The following JMJD1C variants were observed in gnomAD, a reference collection of about 807,000 sequenced individuals.
The protein encoded by JMJD1C is jumonji domain containing 1C.
JMJD1C carries 31 observed loss-of-function variants against 245.3 expected under a neutral mutation model. The ratio of observed to expected loss-of-function variants is 0.13; its 90% CI spans 0.09 to 0.17. The LOEUF (loss-of-function observed/expected upper bound fraction) is 0.17. Ranked by LOEUF, JMJD1C falls within the 10% of genes least tolerant of loss-of-function variation. The probability of loss-of-function intolerance (pLI) is 1.00; values close to 1 mark genes in which losing one functional copy is unlikely to be tolerated. For missense variants in JMJD1C, 2,691 were observed against 3,000.2 expected (o/e 0.90, Z 2.41); for synonymous variants, 1,057 against 1,017.4 (o/e 1.04, Z -0.74).
At chr10:63,480,576 A>G (rs1458426673) in intron 1 of JMJD1C, among the ~76,000 whole-genome samples, 1 of 152,190 alleles carries the variant, frequency 6.6e-6, no homozygotes, top group East Asian at 1.9e-4. Flanking sequence ...TACAGGACCA[A>G]CGCATTTAAA....
At chr10:63,343,171 G>A (rs986918213) in intron 2 of JMJD1C, among the ~76,000 whole-genome samples, 12 of 152,082 alleles carry the variant, frequency 7.9e-5, no homozygotes, top group African/African-American at 1.2e-4. Flanking sequence ...AGACCAGCCT[G>A]GACAACATGG....
intron 3 of JMJD1C, among the ~76,000 whole-genome samples, chr10:63,245,422 G>A (rs1852066136): frequency 6.8e-6 from 1 of 146,848 alleles, no homozygotes; most frequent in Non-Finnish European, 1.5e-5. Context: ...GGAGGAGCAA[G>A]TCATGTTTCA....
At chr10:63,238,216 T>C (rs192217913) in intron 3 of JMJD1C, among the ~76,000 whole-genome samples, 10 of 147,252 alleles carry the variant, frequency 6.8e-5, no homozygotes, top group African/African-American at 2.5e-4. Flanking sequence ...AAGGAAGCTA[T>C]AACTAAAATT....
chr10:63,312,803 C>T (rs1207123487), intron 2 of JMJD1C, among the ~76,000 whole-genome samples: 2 of 152,072 alleles, frequency 1.3e-5, no homozygotes, highest in Non-Finnish European at 2.9e-5. Flanking sequence ...CTCTGATTAC[C>T]TAATATAATT....
chr10:63,427,472 C>A, intron 1 of JMJD1C: 1 of 1,215,162 alleles, frequency 8.2e-7, no homozygotes, highest in Non-Finnish European at 1.2e-6. Flanking sequence ...CTGACCAAGA[C>A]CAACAGGATG....
intron 2 of JMJD1C, among the ~76,000 whole-genome samples, chr10:63,312,226 G>C (rs1426561430): frequency 6.6e-6 from 1 of 150,480 alleles, no homozygotes; most frequent in Non-Finnish European, 1.5e-5. Flanking sequence ...TCCTACCTTA[G>C]CCTCCCGAGT....
intron 1 of JMJD1C, among the ~76,000 whole-genome samples, chr10:63,397,172 C>G (rs1276206019): frequency 1.3e-5 from 2 of 152,152 alleles, no homozygotes; most frequent in Non-Finnish European, 2.9e-5. Flanking sequence ...TAACCACAGT[C>G]TTCAAACAAA....
intron 2 of JMJD1C, among the ~76,000 whole-genome samples, chr10:63,349,696 T>C (rs947888434): frequency 6.6e-6 from 1 of 152,084 alleles, no homozygotes; most frequent in African/African-American, 2.4e-5. Context: ...TTAGCAGAAA[T>C]AGGTGAAAAG....
chr10:63,435,007 A>G (rs1950984740), intron 1 of JMJD1C, among the ~76,000 whole-genome samples: 1 of 152,226 alleles, frequency 6.6e-6, no homozygotes, highest in African/African-American at 2.4e-5. Flanking sequence ...TTAGAACACC[A>G]ATTAAAATCT....
At chr10:63,364,760 T>C (rs1297756203) in intron 2 of JMJD1C, among the ~76,000 whole-genome samples, 1 of 152,106 alleles carries the variant, frequency 6.6e-6, no homozygotes, top group East Asian at 1.9e-4. Context: ...GTGCTGGGAG[T>C]ACAGGCCACC....
chr10:63,354,482 G>A (rs920040265), intron 2 of JMJD1C, among the ~76,000 whole-genome samples: 1 of 151,748 alleles, frequency 6.6e-6, no homozygotes, highest in African/African-American at 2.4e-5. Flanking sequence ...TTTTATTTGT[G>A]TAGCTCTCTG....
chr10:63,308,949 T>A (rs1366014065), intron 2 of JMJD1C, among the ~76,000 whole-genome samples: 1 of 152,040 alleles, frequency 6.6e-6, no homozygotes, highest in African/African-American at 2.4e-5. Flanking sequence ...CTATATGCTT[T>A]TAGAAAGAAA....
intron 2 of JMJD1C, among the ~76,000 whole-genome samples, chr10:63,277,731 C>CTTTTTTTTGTTTTTTTTTTTTT (rs1856945567): frequency 1.6e-5 from 1 of 64,262 alleles, no homozygotes; most frequent in African/African-American, 7.1e-5. Flanking sequence ...ATTTGCATTT[C>CTTTTTTTTGTTTTTTTTTTTTT]TTTTTTTTTT....
intron 1 of JMJD1C, among the ~76,000 whole-genome samples, chr10:63,393,739 G>A (rs538908205): frequency 6.6e-6 from 1 of 152,230 alleles, no homozygotes; most frequent in South Asian, 2.1e-4. Context: ...ATGAATAAAT[G>A]GAGAAATGTG....
chr10:63,473,696 A>G (rs1654944228), intron 1 of JMJD1C, among the ~76,000 whole-genome samples: 1 of 152,208 alleles, frequency 6.6e-6, no homozygotes, highest in South Asian at 2.1e-4. Context: ...TCATTTATGT[A>G]TATCTGGTAA....
chr10:63,264,509 T>G, intron 3 of JMJD1C, 142 bp downstream of exon 3: 1 of 537,284 alleles, frequency 1.9e-6, no homozygotes, highest in Non-Finnish European at 3.2e-6. Flanking sequence ...ATAAGCAAAA[T>G]CAACTGACTG....
intron 2 of JMJD1C, among the ~76,000 whole-genome samples, chr10:63,344,183 C>G (rs1418431601): frequency 6.6e-6 from 1 of 152,250 alleles, no homozygotes; most frequent in African/African-American, 2.4e-5. Flanking sequence ...TCCAGTCTTG[C>G]AAGCTCCATT....
intron 2 of JMJD1C, among the ~76,000 whole-genome samples, chr10:63,351,191 G>A (rs961040594): frequency 2.0e-5 from 3 of 150,232 alleles, no homozygotes; most frequent in Admixed American, 1.3e-4. Flanking sequence ...CAATTCTCCT[G>A]CCTCAGCCTC....
At chr10:63,183,637 C>A in intron 21 of JMJD1C, 68 bp from the exon 22 acceptor site, 1 of 930,088 alleles carries the variant, frequency 1.1e-6, no homozygotes, top group Non-Finnish European at 1.5e-6. Flanking sequence ...TCAGATATTC[C>A]CCCAAATTAG....
Sources: gnomAD v4.1 joint callset for allele counts (sites outside exome capture counted in the v4.1 genomes callset) on GRCh38, gnomAD v4.1.1 for gene constraint, MANE v1.5 for transcripts, NCBI Gene and HGNC (gene_info 2026-07-23, HGNC 2026-07-21) for gene names.